Variants in SNTG1 observed in about 807,000 individuals in gnomAD.
The protein encoded by SNTG1 is gamma-1-syntrophin.
Under a neutral mutation model 74.7 loss-of-function variants are expected in SNTG1, and 39 were observed. That is an observed-to-expected ratio of 0.52 (90% confidence interval 0.40 to 0.68). The LOEUF is 0.68. SNTG1 is among the 30% of genes least tolerant of loss of function. SNTG1 has a pLI of 0.00. For missense variants in SNTG1, 685 were observed against 609.5 expected (o/e 1.12, Z -1.30); for synonymous variants, 254 against 217.1 (o/e 1.17, Z -1.49).
At chr8:49,917,254 T>C (rs545656617) in intron 1 of SNTG1, among the ~76,000 whole-genome samples, 121 of 152,260 alleles carry the variant, frequency 7.9e-4, no homozygotes, top group African/African-American at 2.8e-3. Flanking sequence ...CTTGGTCCTA[T>C]TGGTAAATCA....
intron 1 of SNTG1, among the ~76,000 whole-genome samples, chr8:49,943,869 A>T (rs1808918074): frequency 6.6e-6 from 1 of 152,174 alleles, no homozygotes; most frequent in Non-Finnish European, 1.5e-5. Context: ...TTAAGTTTAA[A>T]TGATTAGTTT....
chr8:50,375,208 T>G (rs2092352258), intron 2 of SNTG1, among the ~76,000 whole-genome samples: 1 of 152,160 alleles, frequency 6.6e-6, no homozygotes, highest in African/African-American at 2.4e-5. Context: ...TTTGCATTAC[T>G]GACTTTTGTG....
At position 49,983,347 on chromosome 8, in the gene SNTG1, C is replaced by T. The variant is rs143885961; in HGVS notation, c.-103+71116C>T. 3.7e-3 allele frequency among the ~76,000 whole-genome samples: 558 copies of T among 152,214 alleles called. 7 individuals carry two copies. The highest frequency in any genetic ancestry group is 0.011 in the African/African-American group (460 of 41,522). On this transcript the variant is annotated intron_variant, in intron 1 of 18. Transcript: ENST00000642720. ...TGCACATTTTTCAAAATTCAGGTAA[C>T]ATCTTTATAAAATTGTGCATTTAAT...
chr8:50,778,858 T>A (rs530653452), intron 18 of SNTG1, among the ~76,000 whole-genome samples: 2 of 152,208 alleles, frequency 1.3e-5, no homozygotes, highest in Non-Finnish European at 2.9e-5. Flanking sequence ...AAGTCTTTAA[T>A]CCATCTTGAA....
chr8:50,213,017 TGCCTCTAAACTACTCATA>T (rs1481614660), intron 2 of SNTG1, among the ~76,000 whole-genome samples: 2 of 152,244 alleles, frequency 1.3e-5, no homozygotes, highest in African/African-American at 2.4e-5. Flanking sequence ...ACATTTCTTC[TGCCTCTAAACTACTCATA>T]TTTTATTGCC....
intron 2 of SNTG1, among the ~76,000 whole-genome samples, chr8:50,286,246 A>C (rs909024619): frequency 3.3e-5 from 5 of 152,198 alleles, no homozygotes; most frequent in African/African-American, 1.2e-4. Flanking sequence ...CTAGAATGGC[A>C]GATCTTTACT....
intron 17 of SNTG1, among the ~76,000 whole-genome samples, chr8:50,746,654 C>A (rs957079393): frequency 1.3e-5 from 2 of 151,542 alleles, no homozygotes; most frequent in South Asian, 2.1e-4. Context: ...AAATGATAGA[C>A]CTTACTTAAT....
intron 17 of SNTG1, among the ~76,000 whole-genome samples, chr8:50,715,256 G>A (rs1340488852): frequency 6.6e-6 from 1 of 152,124 alleles, no homozygotes; most frequent in Non-Finnish European, 1.5e-5. Flanking sequence ...GTGATTATTA[G>A]AACATCATAA....
At chr8:50,645,621 T>C (rs2095104189) in intron 13 of SNTG1, among the ~76,000 whole-genome samples, 1 of 152,176 alleles carries the variant, frequency 6.6e-6, no homozygotes, top group Non-Finnish European at 1.5e-5. Context: ...TTACTTTTAT[T>C]CCTGGCAAAA....
At chr8:50,189,770 A>G in intron 2 of SNTG1, among the ~76,000 whole-genome samples, 1 of 152,286 alleles carries the variant, frequency 6.6e-6, no homozygotes, top group Middle Eastern at 3.4e-3. Context: ...ACATTTTAGT[A>G]TAAATATTTA....
intron 15 of SNTG1, among the ~76,000 whole-genome samples, chr8:50,701,354 C>T (rs977928556): frequency 3.3e-5 from 5 of 152,160 alleles, no homozygotes; most frequent in African/African-American, 9.7e-5. Context: ...CCAGATCAAT[C>T]ATCCCATGTC....
intron 2 of SNTG1, among the ~76,000 whole-genome samples, chr8:50,389,066 A>G (rs577760717): frequency 5.8e-4 from 89 of 152,242 alleles, no homozygotes; most frequent in South Asian, 1.9e-3. Context: ...TCTTGGGGAA[A>G]CTGTTCTCGT....
At chr8:50,650,477 C>T (rs1037877572) in intron 13 of SNTG1, among the ~76,000 whole-genome samples, 5 of 151,948 alleles carry the variant, frequency 3.3e-5, no homozygotes, top group Admixed American at 6.6e-5. Context: ...GGACTGATCA[C>T]CCTTTTATTC....
At chr8:50,597,369 A>ACG (rs2094736340) in intron 13 of SNTG1, among the ~76,000 whole-genome samples, 2 of 115,476 alleles carry the variant, frequency 1.7e-5, no homozygotes, top group South Asian at 2.6e-4. Flanking sequence ...ACACATATAC[A>ACG]TGTATATATA....
At chr8:50,681,344 G>T (rs2131389887) in intron 15 of SNTG1, among the ~76,000 whole-genome samples, 1 of 152,016 alleles carries the variant, frequency 6.6e-6, no homozygotes, top group African/African-American at 2.4e-5. Flanking sequence ...AGAGAGGGAT[G>T]TGTTTTATTA....
At chr8:50,708,794 T>G (rs2095452861) in intron 16 of SNTG1, 92 bp from the exon 17 acceptor site, 2 of 722,582 alleles carry the variant, frequency 2.8e-6, no homozygotes, top group Admixed American at 2.0e-5. Flanking sequence ...AGATATTGTA[T>G]GAAGTACTTA....
At chr8:50,267,576 C>A (rs945526227) in intron 2 of SNTG1, among the ~76,000 whole-genome samples, 1 of 152,082 alleles carries the variant, frequency 6.6e-6, no homozygotes, top group African/African-American at 2.4e-5. Flanking sequence ...TAAAGTGCTG[C>A]AGCCATATGA....
intron 1 of SNTG1, among the ~76,000 whole-genome samples, chr8:49,930,256 G>A (rs1389928810): frequency 2.3e-5 from 1 of 44,338 alleles, no homozygotes; most frequent in African/African-American, 1.1e-4. Context: ...ACCACATCCA[G>A]GAATAGTAAA....
At chr8:50,296,572 G>A (rs1586998983) in intron 2 of SNTG1, among the ~76,000 whole-genome samples, 1 of 152,024 alleles carries the variant, frequency 6.6e-6, no homozygotes, top group African/African-American at 2.4e-5. Flanking sequence ...TGAAAACACA[G>A]GGACACAGGG....
Sources: gnomAD v4.1 joint callset for allele counts (sites outside exome capture counted in the v4.1 genomes callset) on GRCh38, gnomAD v4.1.1 for gene constraint, MANE v1.5 for transcripts, NCBI Gene and HGNC (gene_info 2026-07-23, HGNC 2026-07-21) for gene names.